Variants in NAMPT observed in about 807,000 individuals in gnomAD.
NAMPT encodes nicotinamide phosphoribosyltransferase, also known as NAmPRTase.
Under a neutral mutation model 58.7 loss-of-function variants are expected in NAMPT, and 7 were observed. The observed-to-expected ratio is 0.12, with a 90% CI of 0.07 to 0.22. The LOEUF (loss-of-function observed/expected upper bound fraction) is 0.22. Among genes scored for constraint, NAMPT ranks in the 10% least tolerant of loss-of-function variants. The pLI is 1.00. For missense variants in NAMPT, 271 were observed against 567.9 expected, an observed-to-expected ratio of 0.48 and a Z score of 5.31; for synonymous variants, 145 against 198.1, an observed-to-expected ratio of 0.73 and a Z score of 2.25.
At chr7:106,285,568 C>T, upstream of NAMPT, 1 of 985,940 alleles carries the variant, frequency 1.0e-6, no homozygotes, top group Non-Finnish European at 1.2e-6. Context: ...ATTAAGGATC[C>T]AGCCTTTCGC....
intron 6 of NAMPT, among the ~76,000 whole-genome samples, chr7:106,264,059 T>C (rs1478487930): frequency 1.3e-5 from 2 of 152,120 alleles, no homozygotes; most frequent in Non-Finnish European, 2.9e-5. Flanking sequence ...TTTGAAACTA[T>C]ATACCAATAA....
rs1220476034 is a variant in NAMPT, at chr7:106,249,215, CAGA to C, written c.*1865_*1867del. On this transcript the variant is annotated 3_prime_UTR_variant, in exon 11 of 11. Transcript: ENST00000222553. ...TAAAATTATTTTATATCATGGATTA[CAGA>C]AGACTTACTAAAAGTGAATAATGCT... 1.3e-5 allele frequency: 2 copies of C among 152,398 alleles called. No homozygotes were observed. Among genetic ancestry groups the C allele is most frequent in the Admixed American group, 1.3e-4 (2 of 15,234 alleles). The allele number at this position is 152,398 out of a possible 1,614,324, so 9.4% of individuals were successfully genotyped here.
At chr7:106,258,832 AC>A (rs1792254011) in intron 8 of NAMPT, among the ~76,000 whole-genome samples, 1 of 106,038 alleles carries the variant, frequency 9.4e-6, no homozygotes, top group Admixed American at 1.2e-4. Flanking sequence ...ATGGCTGCTG[AC>A]TGATCAGGGT....
chr7:106,248,372 T>A lies in NAMPT; in HGVS notation c.*2711A>T, dbSNP rs1336839264. On this transcript the variant is annotated 3_prime_UTR_variant, in exon 11 of 11. Coordinates refer to ENST00000222553, the MANE Select transcript of NAMPT (RefSeq NM_005746.3). ...TGTTGAGTACATATTAGAATAGACT[T>A]AACATACAACTTGGGAGAAAAGCTG... 4 of 152,534 alleles carry A rather than the reference T, an allele frequency of 2.6e-5. No homozygotes were observed. The highest frequency in any genetic ancestry group is 5.9e-5 in the Non-Finnish European group (4 of 67,990). 9.4% of individuals were successfully genotyped at this position (152,534 alleles called of 1,614,324 possible).
At chr7:106,261,197 T>C (rs1428064316) in intron 8 of NAMPT, among the ~76,000 whole-genome samples, 2 of 152,226 alleles carry the variant, frequency 1.3e-5, no homozygotes, top group African/African-American at 4.8e-5. Context: ...TATTCTATAA[T>C]TTCTGAAAAA....
chr7:106,253,344 A>C, intron 9 of NAMPT, 193 bp from the exon 10 acceptor site: 1 of 557,552 alleles, frequency 1.8e-6, no homozygotes, highest in Non-Finnish European at 3.1e-6. Flanking sequence ...GTCGTTTGTA[A>C]TAAAGAAAAA....
chr7:106,279,705 T>C (rs1379119458), intron 1 of NAMPT, among the ~76,000 whole-genome samples: 2 of 152,046 alleles, frequency 1.3e-5, no homozygotes, highest in South Asian at 2.1e-4. Context: ...AGAAAGTAAA[T>C]AGAATGACAT....
chr7:106,266,954 C>T (rs1256754739), intron 6 of NAMPT, among the ~76,000 whole-genome samples: 1 of 152,168 alleles, frequency 6.6e-6, no homozygotes, highest in Non-Finnish European at 1.5e-5. Context: ...TCTTCTCAGT[C>T]TCCCCTACGC....
At chr7:106,255,502 G>A (rs1037467141) in intron 8 of NAMPT, among the ~76,000 whole-genome samples, 3 of 152,170 alleles carry the variant, frequency 2.0e-5, no homozygotes, top group East Asian at 1.9e-4. Flanking sequence ...TAATAGTCTC[G>A]AATTGACTTT....
At position 106,284,874 on chromosome 7, in the gene NAMPT, G is replaced by A. The variant is rs1792840375; in HGVS notation, c.11C>T (p.Ala4Val). The change falls in exon 1 of 11, where the codon GCG (alanine) becomes GTG (valine). Residue 4 changes from alanine (A) to valine (V), a missense_variant. Physicochemically the swap from Ala to Val is moderately conservative, Grantham distance 64 (BLOSUM62 0). Coordinates refer to ENST00000222553, the MANE Select transcript of NAMPT (RefSeq NM_005746.3). The part of the protein sequence containing the change: MNP[A>V]AEAEFNILLA... ...GAGGATGTTGAACTCGGCTTCTGCC[G>A]CAGGATTCATCTCGGGCCGGAGGAC... is the stretch of plus-strand genomic sequence containing the variant. The A allele has an allele frequency of 1.3e-6, 2 of 1,583,284 alleles. No individual in the cohort carries two copies. Among genetic ancestry groups the A allele is most frequent in the Non-Finnish European group, 1.7e-6 (2 of 1,164,046 alleles).
Position 106,276,783 on chromosome 7 carries a change from G to A in NAMPT, c.214+240C>T, listed in dbSNP as rs55975320. 6.7e-4 allele frequency: 248 copies of A among 368,076 alleles called. 1 individual carries two copies. Among genetic ancestry groups the A allele is most frequent in the African/African-American group, 4.7e-3 (222 of 47,330 alleles). The allele number at this position is 368,076 out of a possible 1,614,324, so 22.8% of individuals were successfully genotyped here. A position where few individuals can be genotyped will look rare whatever the true frequency, so the allele number is the denominator to read the frequency against. On this transcript the variant is annotated intron_variant, in intron 2 of 10. Transcript: ENST00000222553. ...CCTGAAACCAGGAGGCGGAGGTTGC[G>A]CTGAGTTGAGATCATGCCATTGCAC... is the stretch of plus-strand genomic sequence containing the variant.
At chr7:106,265,567 TAAAAAAAAAAAAAA>T (rs35685666) in intron 6 of NAMPT, among the ~76,000 whole-genome samples, 1 of 116,458 alleles carries the variant, frequency 8.6e-6, no homozygotes, top group Non-Finnish European at 1.8e-5. Context: ...CTCAAAAGCT[TAAAAAAAAAAAAAA>T]AAAAAAAGTC....
chr7:106,285,336 C>A (rs1375983617), upstream of NAMPT: 5 of 480,340 alleles, frequency 1.0e-5, no homozygotes, highest in Non-Finnish European at 1.1e-5. Flanking sequence ...GAGTTCCCGG[C>A]ACGGGCGCGG....
At chr7:106,265,789 A>G (rs771361069) in intron 6 of NAMPT, among the ~76,000 whole-genome samples, 1 of 152,176 alleles carries the variant, frequency 6.6e-6, no homozygotes, top group Admixed American at 6.5e-5. Context: ...TAAATAATCA[A>G]TGAATTCTAC....
chr7:106,260,606 G>A (rs1207879464), intron 8 of NAMPT, among the ~76,000 whole-genome samples: 1 of 152,146 alleles, frequency 6.6e-6, no homozygotes, highest in Non-Finnish European at 1.5e-5. Flanking sequence ...TGCCTTAAGA[G>A]GCCTATTTTA....
chr7:106,251,296 C>T (rs1401008266), intron 10 of NAMPT, 103 bp from the exon 11 acceptor site: 13 of 716,866 alleles, frequency 1.8e-5, no homozygotes, highest in Non-Finnish European at 3.2e-5. Flanking sequence ...ACAGAGATGC[C>T]AATGGTGTTC....
At chr7:106,266,234 AAATGCAATCAATAT>A (rs1792405103) in intron 6 of NAMPT, among the ~76,000 whole-genome samples, 2 of 152,240 alleles carry the variant, frequency 1.3e-5, no homozygotes, top group African/African-American at 4.8e-5. Flanking sequence ...CAAATTTTAC[AAATGCAATCAATAT>A]GAGACCATAA....
At chr7:106,264,556 G>C (rs2115763292) in intron 6 of NAMPT, among the ~76,000 whole-genome samples, 1 of 152,102 alleles carries the variant, frequency 6.6e-6, no homozygotes, top group East Asian at 1.9e-4. Flanking sequence ...GCTCCAATGA[G>C]CATTTCCTTT....
chr7:106,261,288 G>C (rs1319403122), intron 8 of NAMPT, among the ~76,000 whole-genome samples: 1 of 152,054 alleles, frequency 6.6e-6, no homozygotes, highest in African/African-American at 2.4e-5. Context: ...CAGAGTCAAG[G>C]CTTTGTTTTA....
Sources: gnomAD v4.1 joint callset for allele counts (sites outside exome capture counted in the v4.1 genomes callset) on GRCh38, gnomAD v4.1.1 for gene constraint, MANE v1.5 for transcripts, NCBI Gene and HGNC (gene_info 2026-07-23, HGNC 2026-07-21) for gene names.